Variants in METTL8 observed in about 807,000 individuals in gnomAD.
The protein encoded by METTL8 is tRNA N(3)-cytidine methyltransferase METTL8, mitochondrial.
A neutral mutation model predicts 48.7 loss-of-function variants in METTL8; 32 were observed. The ratio of observed to expected loss-of-function variants is 0.66; its 90% CI spans 0.50 to 0.88. The LOEUF (loss-of-function observed/expected upper bound fraction) is 0.88, where lower values mean the gene tolerates loss of function less well. Among genes scored for constraint, METTL8 ranks in the 40% least tolerant of loss-of-function variants. The pLI is 0.00. For missense variants in METTL8, 464 were observed against 474.4 expected (o/e 0.98, Z 0.20); for synonymous variants, 136 against 157.1 (o/e 0.87, Z 1.01).
At chr2:171,345,627 G>A (rs542804716) in intron 3 of METTL8, among the ~76,000 whole-genome samples, 2 of 152,152 alleles carry the variant, frequency 1.3e-5, no homozygotes, top group South Asian at 4.1e-4. Context: ...TTTTCACATA[G>A]AACATTTTCT....
intron 2 of METTL8, among the ~76,000 whole-genome samples, chr2:171,361,750 A>T (rs574255637): frequency 1.3e-5 from 2 of 152,172 alleles, no homozygotes; most frequent in Non-Finnish European, 2.9e-5. Flanking sequence ...CATCTTCTCA[A>T]CTATTAGTCT....
rs1466859561 is a variant in METTL8, at chr2:171,316,928, G to A, written c.*7244C>T. 6.6e-6 allele frequency among the ~76,000 whole-genome samples: 1 copy of A among 152,170 alleles called. No individual in the cohort carries two copies. Among genetic ancestry groups the A allele is most frequent in the African/African-American group, 2.4e-5 (1 of 41,442 alleles). On this transcript the variant is annotated 3_prime_UTR_variant, in exon 10 of 10. Transcript: ENST00000375258. Reference sequence around the variant, plus strand: ...GAGGGAGCAGGGCACAACTAAAGATGTAAGGAGAGCGATCGCATTCTTTAC... The same window carrying A: ...GAGGGAGCAGGGCACAACTAAAGATATAAGGAGAGCGATCGCATTCTTTAC...
chr2:171,342,507 T>C (rs1463095179), intron 3 of METTL8, among the ~76,000 whole-genome samples: 2 of 152,200 alleles, frequency 1.3e-5, no homozygotes, highest in Non-Finnish European at 2.9e-5. Flanking sequence ...GTGCCTGATA[T>C]ACTATGTAAG....
intron 3 of METTL8, among the ~76,000 whole-genome samples, chr2:171,351,873 T>C (rs1683968616): frequency 6.6e-6 from 1 of 152,208 alleles, no homozygotes; most frequent in South Asian, 2.1e-4. Context: ...GCTGAGACAA[T>C]GGGGTTTTCT....
intron 3 of METTL8, among the ~76,000 whole-genome samples, chr2:171,357,560 T>C (rs1684718101): frequency 2.0e-5 from 3 of 152,242 alleles, no homozygotes; most frequent in African/African-American, 7.2e-5. Context: ...AGATATTCCA[T>C]GCTGATGAGT....
Position 171,345,467 on chromosome 2 carries a change from T to C in METTL8, c.236-5913A>G, listed in dbSNP as rs575705346. Among the ~76,000 whole-genome samples, 3 of 152,322 alleles carry C rather than the reference T, an allele frequency of 2.0e-5. No individual in the cohort carries two copies. The East Asian group carries it at 5.8e-4, about 29-fold the overall frequency. On this transcript the variant is annotated intron_variant, in intron 3 of 9. Transcript: ENST00000375258. ...TCCACACATCAGTGAGAAAATTCAT[T>C]GTCTAATAAAAGAAAACTCTTAAAA...
chr2:171,337,183 A>G (rs997720936), intron 5 of METTL8, among the ~76,000 whole-genome samples: 2 of 152,022 alleles, frequency 1.3e-5, no homozygotes, highest in Non-Finnish European at 2.9e-5. Context: ...CTCTTTTCTT[A>G]TTCTCTCATC....
intron 5 of METTL8, among the ~76,000 whole-genome samples, chr2:171,333,142 A>G (rs1293276196): frequency 6.9e-6 from 1 of 145,538 alleles, no homozygotes; most frequent in Non-Finnish European, 1.5e-5. Context: ...CTTGTTGCCC[A>G]GGCTGGAGTG....
At chr2:171,325,690 G>C (rs1253835620) in intron 9 of METTL8, 151 bp downstream of exon 9, 1 of 582,146 alleles carries the variant, frequency 1.7e-6, no homozygotes, top group Non-Finnish European at 3.0e-6. Context: ...AACCTTTTAT[G>C]TAGACCAGTA....
intron 2 of METTL8, among the ~76,000 whole-genome samples, chr2:171,383,249 G>A (rs17285688): frequency 0.3 from 46,081 of 151,306 alleles, 7,115 homozygotes; most frequent in Middle Eastern, 0.41. Context: ...TTGAGATTCT[G>A]TAAACTGTCT....
chr2:171,422,785 GC>G (rs1171290428), intron 1 of METTL8, among the ~76,000 whole-genome samples: 4 of 152,204 alleles, frequency 2.6e-5, no homozygotes, highest in Non-Finnish European at 4.4e-5. Context: ...CACTACATTG[GC>G]AAAAACTTAA....
At chr2:171,331,038 T>C (rs988230694) in intron 6 of METTL8, among the ~76,000 whole-genome samples, 1 of 152,178 alleles carries the variant, frequency 6.6e-6, no homozygotes, top group African/African-American at 2.4e-5. Flanking sequence ...GGACTACGAT[T>C]ATTCATGGGC....
At chr2:171,334,408 G>A (rs766258343) in intron 5 of METTL8, among the ~76,000 whole-genome samples, 3 of 152,050 alleles carry the variant, frequency 2.0e-5, no homozygotes, top group Non-Finnish European at 4.4e-5. Flanking sequence ...TCTTCTCCCA[G>A]CAAACAGGTG....
intron 3 of METTL8, among the ~76,000 whole-genome samples, chr2:171,348,222 C>T (rs1683498292): frequency 6.6e-6 from 1 of 152,112 alleles, no homozygotes; most frequent in South Asian, 2.1e-4. Flanking sequence ...TGGGGAGTTC[C>T]AGGACAGCTG....
intron 3 of METTL8, among the ~76,000 whole-genome samples, chr2:171,354,834 G>A (rs12989938): frequency 0.2 from 30,937 of 151,654 alleles, 3,437 homozygotes; most frequent in Non-Finnish European, 0.25. Context: ...ACTTCTCTAC[G>A]CTGTTTATTC....
At chr2:171,325,991 A>G in intron 8 of METTL8, 51 bp downstream of exon 8, 1 of 1,355,130 alleles carries the variant, frequency 7.4e-7, no homozygotes. Context: ...AATATAAACA[A>G]GGCATTCTTT....
intron 1 of METTL8, among the ~76,000 whole-genome samples, chr2:171,410,426 T>C (rs978261838): frequency 1.3e-5 from 2 of 152,220 alleles, no homozygotes; most frequent in East Asian, 1.9e-4. Context: ...TGATTAAATA[T>C]GATTCTTTCC....
At chr2:171,360,572 G>A (rs907329903) in intron 2 of METTL8, 59 bp from the exon 3 acceptor site, 25 of 1,444,996 alleles carry the variant, frequency 1.7e-5, no homozygotes, top group Non-Finnish European at 2.3e-5. Flanking sequence ...CAGAAAAAAG[G>A]TGACAAGGAA....
intron 3 of METTL8, among the ~76,000 whole-genome samples, chr2:171,352,769 G>T (rs1575804635): frequency 6.6e-6 from 1 of 152,220 alleles, no homozygotes; most frequent in Admixed American, 6.5e-5. Flanking sequence ...GGTGTTTACA[G>T]TATACTCTGA....
Sources: allele counts gnomAD v4.1 joint callset (sites outside exome capture counted in the v4.1 genomes callset), GRCh38; gene constraint gnomAD v4.1.1; transcripts MANE v1.5; gene names NCBI Gene and HGNC (gene_info 2026-07-23, HGNC 2026-07-21).